The following ITPRID1 variants were observed in gnomAD, a reference collection of about 807,000 sequenced individuals.
ITPRID1 encodes the protein protein ITPRID1.
Under a neutral mutation model 95.4 loss-of-function variants are expected in ITPRID1, and 96 were observed. The ratio of observed to expected loss-of-function variants is 1.01; its 90% confidence interval spans 0.85 to 1.19. The LOEUF (loss-of-function observed/expected upper bound fraction) is 1.19, where lower values mean the gene tolerates loss of function less well. Among genes scored for constraint, ITPRID1 ranks in the 50% most tolerant of loss-of-function variants. The probability of loss-of-function intolerance (pLI) is 0.00; values close to 1 mark genes in which losing one functional copy is unlikely to be tolerated. For synonymous variants in ITPRID1, 510 were observed against 453.6 expected (o/e 1.12, Z -1.58); for missense variants, 1,339 against 1,252.9 (o/e 1.07, Z -1.04).
chr7:31,643,255 A>G lies in ITPRID1; in HGVS notation c.1885A>G (p.Thr629Ala), dbSNP rs1419705703. The change falls in exon 12 of 15, where the codon ACC becomes GCC. Residue 629 changes from threonine to alanine, a missense_variant. By Grantham distance (58) the Thr-to-Ala change is moderately conservative (BLOSUM62 0). Transcript: ENST00000615280. Reference sequence around the variant, plus strand: ...GGAAAGCAGTGGATTCTGTCCTCACACCAACCACAGCTTACTCGTACCAGA... The same window carrying G: ...GGAAAGCAGTGGATTCTGTCCTCACGCCAACCACAGCTTACTCGTACCAGA... ...EEESSGFCPH[T>A]NHSLLVPESS... is the part of the protein sequence containing the mutation. 8.1e-6 allele frequency: 13 copies of G among 1,613,766 alleles called. No homozygotes were observed. Among genetic ancestry groups the G allele is most frequent in the Non-Finnish European group, 1.1e-5 (13 of 1,179,878 alleles).
intron 5 of ITPRID1, among the ~76,000 whole-genome samples, chr7:31,569,446 T>C (rs1342810402): frequency 1.3e-5 from 2 of 152,200 alleles, no homozygotes; most frequent in African/African-American, 2.4e-5. Context: ...CAATGCCTCT[T>C]TTCCAGCCAT....
At chr7:31,595,975 C>T (rs541495313) in intron 10 of ITPRID1, among the ~76,000 whole-genome samples, 1 of 151,706 alleles carries the variant, frequency 6.6e-6, no homozygotes, top group African/African-American at 2.4e-5. Flanking sequence ...AATACTAGTA[C>T]AACTAATGTA....
At chr7:31,612,726 G>C (rs1017403552) in intron 10 of ITPRID1, among the ~76,000 whole-genome samples, 6 of 152,064 alleles carry the variant, frequency 3.9e-5, no homozygotes, top group African/African-American at 1.4e-4. Context: ...TTACAACTCA[G>C]TGTTAGTCTT....
chr7:31,628,164 C>G (rs553183223), intron 10 of ITPRID1, among the ~76,000 whole-genome samples: 6 of 152,166 alleles, frequency 3.9e-5, no homozygotes, highest in Non-Finnish European at 8.8e-5. Context: ...TCAAAAAGTG[C>G]CCTGAAGGAG....
rs2128210879 is a variant in ITPRID1, at chr7:31,643,438, G to A, written c.2068G>A (p.Gly690Arg). ...RSGTLGQILP[G>R]TEAEMENLPL... ...TGGTACTTTGGGTCAGATACTACCT[G>A]GGACAGAAGCTGAGATGGAAAACCT... is the stretch of plus-strand genomic sequence containing the variant. The change falls in exon 12 of 15, where the codon GGG becomes AGG. Residue 690 changes from glycine to arginine, a missense_variant. Physicochemically the swap from Gly to Arg is moderately radical, Grantham distance 125 (BLOSUM62 -2). Coordinates refer to ENST00000615280, the MANE Select transcript of ITPRID1 (RefSeq NM_001257967.3). The A allele has an allele frequency of 6.2e-7, 1 of 1,613,992 alleles. No homozygotes were observed. Among genetic ancestry groups the A allele is most frequent in the African/African-American group, 1.3e-5 (1 of 75,046 alleles).
chr7:31,641,697 G>A (rs1790032516), intron 10 of ITPRID1, among the ~76,000 whole-genome samples: 2 of 152,130 alleles, frequency 1.3e-5, no homozygotes, highest in Admixed American at 6.6e-5. Flanking sequence ...TCTAAAACAT[G>A]AGCACAAACT....
chr7:31,600,609 C>T (rs1786352232), intron 10 of ITPRID1, among the ~76,000 whole-genome samples: 1 of 152,148 alleles, frequency 6.6e-6, no homozygotes, highest in Admixed American at 6.5e-5. Context: ...TTTATAAGCC[C>T]AACTCTTTCC....
chr7:31,537,153 T>G, intron 1 of ITPRID1, among the ~76,000 whole-genome samples: 1 of 148,690 alleles, frequency 6.7e-6, no homozygotes, highest in Admixed American at 6.7e-5. Flanking sequence ...CCAAAGACAC[T>G]GCCTGTTGAA....
At chr7:31,575,899 A>C (rs1459855946) in intron 8 of ITPRID1, among the ~76,000 whole-genome samples, 2 of 151,954 alleles carry the variant, frequency 1.3e-5, no homozygotes, top group African/African-American at 2.4e-5. Context: ...TTTTTTTAAA[A>C]AGAGTATGTA....
intron 10 of ITPRID1, among the ~76,000 whole-genome samples, chr7:31,618,394 A>G (rs1787475130): frequency 6.6e-6 from 1 of 152,158 alleles, no homozygotes; most frequent in Non-Finnish European, 1.5e-5. Context: ...ACCACTACTA[A>G]TTAGGCTATT....
intron 5 of ITPRID1, among the ~76,000 whole-genome samples, chr7:31,561,671 C>T (rs1784627122): frequency 1.3e-5 from 2 of 152,188 alleles, no homozygotes; most frequent in African/African-American, 2.4e-5. Flanking sequence ...GTTAGGGCAT[C>T]TTAGCTGCGT....
chr7:31,554,671 A>G, intron 4 of ITPRID1, 148 bp downstream of exon 4: 1 of 1,135,198 alleles, frequency 8.8e-7, no homozygotes, highest in Non-Finnish European at 1.3e-6. Context: ...TATTGTAAAA[A>G]CTATGTATCA....
intron 1 of ITPRID1, 109 bp from the exon 2 acceptor site, chr7:31,549,317 A>C (rs1160104857): frequency 3.0e-6 from 2 of 668,940 alleles, no homozygotes; most frequent in Non-Finnish European, 4.5e-6. Flanking sequence ...CAATCATCCA[A>C]ACTAAGTAAT....
intron 10 of ITPRID1, among the ~76,000 whole-genome samples, chr7:31,622,706 T>G (rs1006349867): frequency 9.9e-4 from 150 of 151,144 alleles, no homozygotes; most frequent in Non-Finnish European, 3.1e-4. Flanking sequence ...AACTAGAAAA[T>G]CAAGAGCAAA....
At chr7:31,581,209 A>G (rs1019922997) in intron 9 of ITPRID1, among the ~76,000 whole-genome samples, 4 of 152,194 alleles carry the variant, frequency 2.6e-5, no homozygotes, top group Non-Finnish European at 4.4e-5. Flanking sequence ...ATGATTGGCC[A>G]AATTTTGCCT....
At chr7:31,579,885 C>T (rs116239314) in intron 9 of ITPRID1, among the ~76,000 whole-genome samples, 3,240 of 152,096 alleles carry the variant, frequency 0.021, 110 homozygotes, top group African/African-American at 0.073. Flanking sequence ...AAAAAGCATA[C>T]CTTTGGTCAA....
intron 1 of ITPRID1, among the ~76,000 whole-genome samples, chr7:31,544,394 G>A (rs923097169): frequency 2.6e-5 from 4 of 152,050 alleles, no homozygotes; most frequent in Non-Finnish European, 5.9e-5. Flanking sequence ...AAGAACATAC[G>A]TTTAATTATC....
Position 31,578,192 on chromosome 7 carries a change from T to C in ITPRID1, c.928T>C (p.Ser310Pro), listed in dbSNP as rs1363914875. 6 of 1,613,652 alleles carry C rather than the reference T, an allele frequency of 3.7e-6. No homozygotes were observed. The highest frequency in any genetic ancestry group is 5.1e-6 in the Non-Finnish European group (6 of 1,179,790). ...TSINHKQNHL[S>P]LSVEHQSLQA... Reference sequence around the variant, plus strand: ...AATCAACCACAAGCAAAATCATTTGTCTCTGTCAGTAGAACATCAGTCTCT... The same window carrying C: ...AATCAACCACAAGCAAAATCATTTGCCTCTGTCAGTAGAACATCAGTCTCT... Residue 310 changes from serine (S) to proline (P), a missense_variant, in exon 9 of 15, where the codon TCT becomes CCT. Coordinates refer to ENST00000615280, the MANE Select transcript of ITPRID1 (RefSeq NM_001257967.3).
At chr7:31,548,226 G>A (rs1023766775) in intron 1 of ITPRID1, among the ~76,000 whole-genome samples, 2 of 152,038 alleles carry the variant, frequency 1.3e-5, no homozygotes, top group African/African-American at 4.8e-5. Flanking sequence ...GAACTGAGTG[G>A]CCTGGTGTTG....
Sources: gnomAD v4.1 joint callset for allele counts (sites outside exome capture counted in the v4.1 genomes callset) on GRCh38, gnomAD v4.1.1 for gene constraint, MANE v1.5 for transcripts, NCBI Gene and HGNC (gene_info 2026-07-23, HGNC 2026-07-21) for gene names.